Variants in PPP2R1A observed in about 807,000 individuals in gnomAD.
The protein encoded by PPP2R1A is serine/threonine-protein phosphatase 2A 65 kDa regulatory subunit A alpha isoform.
A neutral mutation model predicts 67.1 loss-of-function variants in PPP2R1A; 15 were observed. The ratio of observed to expected loss-of-function variants is 0.22; its 90% CI spans 0.15 to 0.34. The LOEUF (loss-of-function observed/expected upper bound fraction) is 0.34, where lower values mean the gene tolerates loss of function less well. Among genes scored for constraint, PPP2R1A ranks in the 10% least tolerant of loss-of-function variants. The pLI is 1.00. For synonymous variants in PPP2R1A, 337 were observed against 325.0 expected (o/e 1.04, Z -0.40); for missense variants, 369 against 775.0 (o/e 0.48, Z 6.22).
chr19:52,205,734 A>G (rs10421813), intron 2 of PPP2R1A, among the ~76,000 whole-genome samples: 2,133 of 152,248 alleles, frequency 0.014, 49 homozygotes, highest in African/African-American at 0.049. Flanking sequence ...CTCAGTCAGT[A>G]TTTCACACCC....
At position 52,221,042 on chromosome 19, in the gene PPP2R1A, A is replaced by C. The variant is rs772640939; in HGVS notation, c.1427A>C (p.Glu476Ala). 3.1e-6 allele frequency: 5 copies of C among 1,614,228 alleles called. No individual in the cohort carries two copies. In the South Asian group the frequency reaches 5.5e-5, roughly 18 times the overall value. ...AAGCTAGTGGAAAAGTTTGGGAAGGAGTGGGCCCATGCCACAATCATCCCC... is the reference window on the plus strand; with the variant it reads ...AAGCTAGTGGAAAAGTTTGGGAAGGCGTGGGCCCATGCCACAATCATCCCC... ...LKKLVEKFGK[E>A]WAHATIIPKV... The change falls in exon 12 of 15, where the codon GAG becomes GCG. Residue 476 changes from glutamate (E) to alanine (A), a missense_variant. Transcript: ENST00000322088.
At chr19:52,217,151 C>T (rs1033456363) in intron 9 of PPP2R1A, among the ~76,000 whole-genome samples, 1 of 152,142 alleles carries the variant, frequency 6.6e-6, no homozygotes, top group East Asian at 1.9e-4. Context: ...GATTGCACCA[C>T]TGCACTCCAG....
At position 52,215,797 on chromosome 19, in the gene PPP2R1A, C is replaced by T. The variant is rs777655260; in HGVS notation, c.826C>T (p.Pro276Ser). The T allele has an allele frequency of 2.5e-6, 4 of 1,614,014 alleles. No homozygotes were observed. The highest frequency in any genetic ancestry group is 3.4e-6 in the Non-Finnish European group (4 of 1,179,904). Residue 276 changes from proline (P) to serine (S), a missense_variant, in exon 7 of 15, where the codon CCT (proline) becomes TCT (serine). Pro to Ser is a moderately conservative substitution (Grantham distance 74). Around this residue, in one of 2 missense-constraint regions of PPP2R1A, gnomAD observed 276 missense variants for 508.4 expected, o/e 0.54. Coordinates refer to ENST00000322088, the MANE Select transcript of PPP2R1A (RefSeq NM_014225.6). ...TCTGCAGCTCCAGAAAGCAGTGGGG[C>T]CTGAGATCACCAAGACAGACCTGGT... ...KFTELQKAVG[P>S]EITKTDLVPA...
rs2122328873 is a variant in PPP2R1A at position 52,211,132 on chromosome 19, G to A, written c.271-128G>A. The A allele has an allele frequency of 8.9e-6, 7 of 784,170 alleles. No homozygotes were observed. The South Asian group carries it at 1.1e-4, about 12-fold the overall frequency. 48.6% of individuals were successfully genotyped at this position (784,170 alleles called of 1,614,324 possible). On this transcript the variant is annotated intron_variant, in intron 3 of 14. Transcript: ENST00000322088. This position sits in a 1 kb window ranked among gnomAD's most constrained non-coding sequence, Gnocchi z 5.3. ...AACCATTTTTAAAGGCTATTTTAATGAAGGTCGGGATGGGTAATAGGGAAG... is the reference window on the plus strand; with the variant it reads ...AACCATTTTTAAAGGCTATTTTAATAAAGGTCGGGATGGGTAATAGGGAAG...
intron 1 of PPP2R1A, chr19:52,190,396 C>T (rs1243848812): frequency 1.7e-5 from 10 of 597,196 alleles, no homozygotes; most frequent in East Asian, 3.0e-5. Context: ...CCTCGAGGGT[C>T]CCGGGCCTGC....
In PPP2R1A at chr19:52,216,204, G is replaced by C; in HGVS notation, c.993+130G>C. The C allele has an allele frequency of 1.9e-6, 2 of 1,031,922 alleles. No individual in the cohort carries two copies. The highest frequency in any genetic ancestry group is 2.9e-6 in the Non-Finnish European group (2 of 701,480). The allele number at this position is 1,031,922 out of a possible 1,614,324, so 63.9% of individuals were successfully genotyped here. On this transcript the variant is annotated intron_variant, in intron 8 of 14. Transcript: ENST00000322088. This position sits in a 1 kb window ranked among gnomAD's most constrained non-coding sequence, Gnocchi z 4.3. Reference sequence around the variant, plus strand: ...CCCTCTGGGACCAGGCAGCTCTTGGGTTTCAAGCAGTTAGGGGTCCTGACT... The same window carrying C: ...CCCTCTGGGACCAGGCAGCTCTTGGCTTTCAAGCAGTTAGGGGTCCTGACT...
At chr19:52,196,678 T>G (rs1237175613) in intron 1 of PPP2R1A, among the ~76,000 whole-genome samples, 1 of 152,166 alleles carries the variant, frequency 6.6e-6, no homozygotes, top group Non-Finnish European at 1.5e-5. Flanking sequence ...GAGCTTGAAG[T>G]TTCTATCTGA....
intron 6 of PPP2R1A, among the ~76,000 whole-genome samples, chr19:52,214,027 G>A (rs1209282764): frequency 6.6e-6 from 1 of 152,178 alleles, no homozygotes; most frequent in African/African-American, 2.4e-5. Flanking sequence ...TGATTATAAA[G>A]TGTCACAGGT....
At chr19:52,196,754 G>A (rs1183894996) in intron 1 of PPP2R1A, among the ~76,000 whole-genome samples, 2 of 152,214 alleles carry the variant, frequency 1.3e-5, no homozygotes, top group South Asian at 2.1e-4. Context: ...AGGGTCCCAG[G>A]CTCTTACCAT....
chr19:52,206,859 G>A (rs2089608692), intron 3 of PPP2R1A, among the ~76,000 whole-genome samples: 1 of 152,070 alleles, frequency 6.6e-6, no homozygotes, highest in South Asian at 2.1e-4. Context: ...TGCTGCCTCT[G>A]CCTCTGCCCC....
At chr19:52,201,172 T>C (rs927200283) in intron 1 of PPP2R1A, 2 of 151,908 alleles carry the variant, frequency 1.3e-5, no homozygotes, top group African/African-American at 2.4e-5. Flanking sequence ...CACACTTAAC[T>C]ACGCCTGCAA....
Position 52,219,392 on chromosome 19 carries a change from T to C in PPP2R1A, c.1129-299T>C, listed in dbSNP as rs571106639. Among the ~76,000 whole-genome samples the C allele has an allele frequency of 1.3e-5, 2 of 152,382 alleles. No individual in the cohort carries two copies. The highest frequency in any genetic ancestry group is 1.3e-4 in the Admixed American group (2 of 15,308). On this transcript the variant is annotated intron_variant, in intron 9 of 14. Coordinates refer to ENST00000322088, the MANE Select transcript of PPP2R1A (RefSeq NM_014225.6). The surrounding 1 kb of genome is among the most constrained non-coding windows in gnomAD (Gnocchi z 4.0). ...AGCGGAGCTAGGATTAGAAGAATCA[T>C]GTCTGCCTGTTTTTTCCAGGGTGCT...
At chr19:52,214,506 T>G (rs924760561) in intron 6 of PPP2R1A, among the ~76,000 whole-genome samples, 6 of 152,230 alleles carry the variant, frequency 3.9e-5, no homozygotes, top group African/African-American at 1.4e-4. Flanking sequence ...GTTAAACCAG[T>G]TCTTGGCACA....
intron 3 of PPP2R1A, among the ~76,000 whole-genome samples, chr19:52,209,731 C>G (rs2089646201): frequency 6.6e-6 from 1 of 152,120 alleles, no homozygotes; most frequent in Non-Finnish European, 1.5e-5. Flanking sequence ...TTCTAGATTC[C>G]TCATATAAGT....
chr19:52,221,716 T>C (rs1435285687), intron 12 of PPP2R1A, among the ~76,000 whole-genome samples: 7 of 148,070 alleles, frequency 4.7e-5, no homozygotes, highest in Admixed American at 4.7e-4. Flanking sequence ...ACGATTATAA[T>C]TATCTCATGT....
rs192707866 is a variant in PPP2R1A, at chr19:52,228,593, G to A, written c.*2612G>A. 183 of 152,372 alleles carry A rather than the reference G, an allele frequency of 1.2e-3. 2 individuals carry two copies. Among genetic ancestry groups the A allele is most frequent in the Non-Finnish European group, 2.1e-3 (146 of 68,094 alleles). The allele number at this position is 152,372 out of a possible 1,614,324, so 9.4% of individuals were successfully genotyped here. On this transcript the variant is annotated 3_prime_UTR_variant, in exon 15 of 15. Coordinates refer to ENST00000322088, the MANE Select transcript of PPP2R1A (RefSeq NM_014225.6). ...ACACCTGGCCTTCTCTGTAGCAGCT[G>A]AAGTTTGATGCTGGAGCTGGGTCAG...
chr19:52,211,692 C>G lies in PPP2R1A; in HGVS notation c.503+200C>G. 1.7e-6 allele frequency: 1 copy of G among 598,636 alleles called. No homozygotes were observed. Among genetic ancestry groups the G allele is most frequent in the Admixed American group, 3.1e-5 (1 of 32,072 alleles). The allele number at this position is 598,636 out of a possible 1,614,324, so 37.1% of individuals were successfully genotyped here. On this transcript the variant is annotated intron_variant, in intron 4 of 14. Transcript: ENST00000322088. The surrounding 1 kb of genome is among the most constrained non-coding windows in gnomAD (Gnocchi z 5.3). ...CACGTGTCAGTTTACCCACCTCTGCCCCCTTGCTCACTTAGGAATTGAGAT... is the reference window on the plus strand; with the variant it reads ...CACGTGTCAGTTTACCCACCTCTGCGCCCTTGCTCACTTAGGAATTGAGAT...
Position 52,220,429 on chromosome 19 carries a change from C to T in PPP2R1A, c.1363+180C>T, listed in dbSNP as rs143478714. 5.0e-4 allele frequency among the ~76,000 whole-genome samples: 76 copies of T among 152,154 alleles called. No homozygotes were observed. In the East Asian group the frequency reaches 5.2e-3, roughly 10 times the overall value. Reference sequence around the variant, plus strand: ...AGAGAAGTGTTGAGTGGGAGGAGGACGAAACAGATCACCCAGGGGTTGCCT... The same window carrying T: ...AGAGAAGTGTTGAGTGGGAGGAGGATGAAACAGATCACCCAGGGGTTGCCT... On this transcript the variant is annotated intron_variant, in intron 11 of 14. Coordinates refer to ENST00000322088, the MANE Select transcript of PPP2R1A (RefSeq NM_014225.6).
intron 7 of PPP2R1A, 28 bp downstream of exon 7, chr19:52,215,921 A>G (rs763158905): frequency 3.7e-6 from 6 of 1,612,624 alleles, no homozygotes; most frequent in Admixed American, 3.3e-5. Context: ...GAACACAGCA[A>G]GTGGGGTGGG....
Sources: allele counts gnomAD v4.1 joint callset (sites outside exome capture counted in the v4.1 genomes callset), GRCh38; gene constraint gnomAD v4.1.1; regional missense constraint gnomAD v4.1.1; non-coding constraint Gnocchi (gnomAD v3.1); transcripts MANE v1.5; gene names NCBI Gene and HGNC (gene_info 2026-07-23, HGNC 2026-07-21).